DGCR2: variants seen among roughly 807,000 people sequenced by gnomAD.
DGCR2 encodes integral membrane protein DGCR2/IDD.
A neutral mutation model predicts 51.6 loss-of-function variants in DGCR2; 24 were observed. The observed-to-expected ratio is 0.47, with a 90% CI of 0.34 to 0.65. The LOEUF is 0.65. Among genes scored for constraint, DGCR2 ranks in the 30% least tolerant of loss-of-function variants. The pLI is 0.01. For missense variants in DGCR2, 765 were observed against 772.1 expected (o/e 0.99, Z 0.11); for synonymous variants, 340 against 315.4 (o/e 1.08, Z -0.82).
chr22:19,067,135 G>A (rs996285338), intron 3 of DGCR2, among the ~76,000 whole-genome samples: 1 of 152,156 alleles, frequency 6.6e-6, no homozygotes, highest in African/African-American at 2.4e-5. Flanking sequence ...CACCTCTGAG[G>A]TGCTCCCCAG....
In DGCR2 at chr22:19,039,151, G is replaced by T. The variant is rs200432532; in HGVS notation, c.1397-30C>A. 7.3e-5 allele frequency: 117 copies of T among 1,610,790 alleles called. No homozygotes were observed. The African/African-American group carries it at 8.4e-4, about 12-fold the overall frequency. ...AGGAAGAGACAGAGGGGTGTCAGAGGCAGGTACGGGCCTGGCACAGGGGAT... is the reference window on the plus strand; with the variant it reads ...AGGAAGAGACAGAGGGGTGTCAGAGTCAGGTACGGGCCTGGCACAGGGGAT... On this transcript the variant is annotated intron_variant, in intron 9 of 9. Coordinates refer to ENST00000263196, the MANE Select transcript of DGCR2 (RefSeq NM_005137.3).
At chr22:19,120,142 A>T (rs2083416855) in intron 1 of DGCR2, among the ~76,000 whole-genome samples, 1 of 152,234 alleles carries the variant, frequency 6.6e-6, no homozygotes. Context: ...AGCCAAAGCC[A>T]GGAAGCCAGC....
At chr22:19,100,352 T>G (rs2083187949) in intron 1 of DGCR2, among the ~76,000 whole-genome samples, 1 of 152,226 alleles carries the variant, frequency 6.6e-6, no homozygotes, top group Non-Finnish European at 1.5e-5. Context: ...GACTGTCACC[T>G]TGCTGTAGCA....
At chr22:19,122,105 A>T (rs2083440697) in intron 1 of DGCR2, 23 bp downstream of exon 1, 7 of 1,473,624 alleles carry the variant, frequency 4.8e-6, no homozygotes, top group Middle Eastern at 4.2e-4. Flanking sequence ...CAGCCCCCAC[A>T]CCGCCCCCAT....
chr22:19,065,131 T>C (rs1938064478), intron 3 of DGCR2, 64 bp from the exon 4 acceptor site: 2 of 1,410,070 alleles, frequency 1.4e-6, no homozygotes, highest in South Asian at 2.4e-5. Flanking sequence ...AAATTATATG[T>C]ACTCCATCAG....
At chr22:19,081,782 A>C (rs1022899590) in intron 2 of DGCR2, among the ~76,000 whole-genome samples, 1 of 152,238 alleles carries the variant, frequency 6.6e-6, no homozygotes, top group Non-Finnish European at 1.5e-5. Flanking sequence ...AAGCACATAA[A>C]ATTTCCACAC....
chr22:19,109,345 A>G (rs986736768), intron 1 of DGCR2, among the ~76,000 whole-genome samples: 25 of 152,224 alleles, frequency 1.6e-4, no homozygotes, highest in Admixed American at 1.0e-3. Context: ...ATATATTCAT[A>G]TACCTATGCT....
intron 2 of DGCR2, among the ~76,000 whole-genome samples, chr22:19,079,055 T>G (rs151310877): frequency 6.6e-6 from 1 of 152,164 alleles, no homozygotes; most frequent in African/African-American, 2.4e-5. Flanking sequence ...TCTTGGCAGG[T>G]TGTATGTTTC....
At chr22:19,083,629 T>C (rs1322857667) in intron 2 of DGCR2, among the ~76,000 whole-genome samples, 1 of 151,990 alleles carries the variant, frequency 6.6e-6, no homozygotes, top group Non-Finnish European at 1.5e-5. Context: ...CCCTCAAAAA[T>C]TTTACACATC....
intron 2 of DGCR2, among the ~76,000 whole-genome samples, chr22:19,081,525 A>T (rs989454371): frequency 1.3e-5 from 2 of 152,358 alleles, no homozygotes; most frequent in Middle Eastern, 3.4e-3. Flanking sequence ...ATGTGAGCAC[A>T]GACATTTGGG....
chr22:19,111,957 T>C (rs1297035620), intron 1 of DGCR2, among the ~76,000 whole-genome samples: 1 of 151,002 alleles, frequency 6.6e-6, no homozygotes, highest in Non-Finnish European at 1.5e-5. Context: ...CTGTCAGAAA[T>C]GAAAAATAAT....
chr22:19,103,550 C>T (rs2083228937), intron 1 of DGCR2, among the ~76,000 whole-genome samples: 1 of 148,664 alleles, frequency 6.7e-6, no homozygotes, highest in African/African-American at 2.5e-5. Flanking sequence ...CCTGCCTCAG[C>T]CTCCCGAGTA....
intron 2 of DGCR2, among the ~76,000 whole-genome samples, chr22:19,070,442 T>C (rs578246143): frequency 6.6e-6 from 1 of 152,302 alleles, no homozygotes; most frequent in East Asian, 1.9e-4. Flanking sequence ...GACCTGTGGC[T>C]CCACTTTGTA....
intron 7 of DGCR2, among the ~76,000 whole-genome samples, chr22:19,042,256 C>A (rs2146303192): frequency 6.6e-6 from 1 of 152,206 alleles, no homozygotes; most frequent in East Asian, 1.9e-4. Flanking sequence ...ATTTCCTGTC[C>A]TAGGACTAGC....
intron 5 of DGCR2, among the ~76,000 whole-genome samples, chr22:19,062,807 T>TCTCTCTCTCTCTCTC (rs397967453): frequency 2.7e-5 from 4 of 146,986 alleles, no homozygotes; most frequent in Non-Finnish European, 6.2e-5. Flanking sequence ...TCTCTCTCTC[T>TCTCTCTCTCTCTCTC]ATCTGCCTGA....
At position 19,122,382 on chromosome 22, in the gene DGCR2, C is replaced by G. The variant is rs975276315; in HGVS notation, c.-176G>C. On this transcript the variant is annotated 5_prime_UTR_variant, in exon 1 of 10. Transcript: ENST00000263196. ...GCTGGCGCACACTCTCGGCTGCAAC[C>G]TCAGGCACCGACTCCAGCTGCGCGC... 5 of 468,238 alleles carry G rather than the reference C, an allele frequency of 1.1e-5. No individual in the cohort carries two copies. Among genetic ancestry groups the G allele is most frequent in the Middle Eastern group, 5.9e-4 (1 of 1,696 alleles). The allele number at this position is 468,238 out of a possible 1,614,324, so 29.0% of individuals were successfully genotyped here. A position where few individuals can be genotyped will look rare whatever the true frequency, so the allele number is the denominator to read the frequency against.
chr22:19,092,167 G>A lies in DGCR2; in HGVS notation c.80-2677C>T, dbSNP rs552280212. 9.9e-5 allele frequency among the ~76,000 whole-genome samples: 15 copies of A among 152,098 alleles called. No homozygotes were observed. The East Asian group carries it at 2.7e-3, about 28-fold the overall frequency. Reference sequence around the variant, plus strand: ...TCGAGACCAGCCTGGCCAACATGGCGAAACCCTGTCTACTAAAAATACAAA... The same window carrying A: ...TCGAGACCAGCCTGGCCAACATGGCAAAACCCTGTCTACTAAAAATACAAA... On this transcript the variant is annotated intron_variant, in intron 1 of 9. Coordinates refer to ENST00000263196, the MANE Select transcript of DGCR2 (RefSeq NM_005137.3).
At chr22:19,114,062 G>GAAAAAAA (rs55948025) in intron 1 of DGCR2, among the ~76,000 whole-genome samples, 9 of 80,988 alleles carry the variant, frequency 1.1e-4, no homozygotes, top group East Asian at 3.7e-4. Flanking sequence ...TCCATTTGAG[G>GAAAAAAA]AAAAAAAAAA....
rs759326538 is a variant in DGCR2 at position 19,057,201 on chromosome 22, A to G, written c.626-39T>C. ...AAAAGGTGGGGCTGGACAACATCAC[A>G]TCAGAGGACAAGCTGTGCAGTCCTC... On this transcript the variant is annotated intron_variant, in intron 5 of 9. Coordinates refer to ENST00000263196, the MANE Select transcript of DGCR2 (RefSeq NM_005137.3). This position sits in a 1 kb window ranked among gnomAD's most constrained non-coding sequence, Gnocchi z 5.1. The G allele has an allele frequency of 6.4e-7, 1 of 1,551,104 alleles. No homozygotes were observed. The highest frequency in any genetic ancestry group is 8.7e-7 in the Non-Finnish European group (1 of 1,146,192).
Sources: gnomAD v4.1 joint callset for allele counts (sites outside exome capture counted in the v4.1 genomes callset) on GRCh38, gnomAD v4.1.1 for gene constraint, Gnocchi (gnomAD v3.1) non-coding constraint, MANE v1.5 for transcripts, NCBI Gene and HGNC (gene_info 2026-07-23, HGNC 2026-07-21) for gene names.